Variants in SIPA1L1 observed in about 807,000 individuals in gnomAD.
SIPA1L1 encodes signal-induced proliferation-associated 1-like protein 1.
A neutral mutation model predicts 162.7 loss-of-function variants in SIPA1L1; 26 were observed. The ratio of observed to expected loss-of-function variants is 0.16; its 90% CI spans 0.12 to 0.22. The LOEUF (loss-of-function observed/expected upper bound fraction) is 0.22. SIPA1L1 is among the 10% of genes least tolerant of loss of function. The probability of loss-of-function intolerance (pLI) is 1.00; values close to 1 mark genes in which losing one functional copy is unlikely to be tolerated. For synonymous variants in SIPA1L1, 829 were observed against 837.4 expected (o/e 0.99, Z 0.17); for missense variants, 1,874 against 2,241.0 (o/e 0.84, Z 3.31).
chr14:71,504,575 A>G (rs2050504971), intron 2 of SIPA1L1, among the ~76,000 whole-genome samples: 1 of 152,180 alleles, frequency 6.6e-6, no homozygotes, highest in East Asian at 1.9e-4. Context: ...CCATTATCTT[A>G]TGTATTATTA....
At chr14:71,725,115 G>A (rs2084107684) in intron 19 of SIPA1L1, among the ~76,000 whole-genome samples, 2 of 152,296 alleles carry the variant, frequency 1.3e-5, no homozygotes, top group African/African-American at 4.8e-5. Context: ...ATGATTCCCT[G>A]AACATCACTT....
chr14:71,680,471 GAA>G (rs2045691702), intron 12 of SIPA1L1, among the ~76,000 whole-genome samples: 1 of 152,148 alleles, frequency 6.6e-6, no homozygotes, highest in Admixed American at 6.5e-5. Flanking sequence ...GCCCACAAGA[GAA>G]AGCAGGAAAG....
intron 2 of SIPA1L1, among the ~76,000 whole-genome samples, chr14:71,347,071 C>T (rs1015336115): frequency 2.0e-5 from 3 of 151,760 alleles, no homozygotes; most frequent in Non-Finnish European, 4.4e-5. Flanking sequence ...CCTGTCTCAG[C>T]CCCCCGAGTA....
chr14:71,513,262 G>GACAC, intron 3 of SIPA1L1, among the ~76,000 whole-genome samples: 1 of 152,208 alleles, frequency 6.6e-6, no homozygotes, highest in Non-Finnish European at 1.5e-5. Flanking sequence ...TGGTGTCTTG[G>GACAC]TGTCTGCCAA....
chr14:71,692,295 G>A (rs530856406), intron 13 of SIPA1L1, among the ~76,000 whole-genome samples: 9 of 152,196 alleles, frequency 5.9e-5, no homozygotes, highest in Non-Finnish European at 1.2e-4. Flanking sequence ...TGTTGACTAA[G>A]TTTAGAATAC....
At chr14:71,440,511 C>T (rs1402310736) in intron 2 of SIPA1L1, among the ~76,000 whole-genome samples, 1 of 151,196 alleles carries the variant, frequency 6.6e-6, no homozygotes, top group Non-Finnish European at 1.5e-5. Context: ...ACTAACTGAC[C>T]ATGGGTGGGT....
chr14:71,620,948 G>T (rs150790856), intron 6 of SIPA1L1, among the ~76,000 whole-genome samples: 198 of 152,182 alleles, frequency 1.3e-3, no homozygotes, highest in African/African-American at 4.6e-3. Context: ...ATTACCACTT[G>T]TTTTTTACGT....
At chr14:71,345,516 C>T (rs1436157040) in intron 2 of SIPA1L1, among the ~76,000 whole-genome samples, 1 of 151,132 alleles carries the variant, frequency 6.6e-6, no homozygotes, top group Non-Finnish European at 1.5e-5. Flanking sequence ...GTATTTGCTT[C>T]ATTAGACCTT....
At chr14:71,480,815 TTAATA>T (rs1472215814) in intron 2 of SIPA1L1, among the ~76,000 whole-genome samples, 1 of 152,130 alleles carries the variant, frequency 6.6e-6, no homozygotes, top group African/African-American at 2.4e-5. Flanking sequence ...CTTGGCTGAA[TTAATA>T]TATATTGTGT....
intron 2 of SIPA1L1, among the ~76,000 whole-genome samples, chr14:71,486,889 C>T (rs1033929419): frequency 5.9e-5 from 9 of 152,112 alleles, no homozygotes; most frequent in Non-Finnish European, 1.3e-4. Context: ...TTTTTTCATG[C>T]TTCTTCTAAA....
At chr14:71,644,715 G>A (rs1316372160) in intron 7 of SIPA1L1, among the ~76,000 whole-genome samples, 1 of 152,170 alleles carries the variant, frequency 6.6e-6, no homozygotes, top group African/African-American at 2.4e-5. Flanking sequence ...CATGGTGATA[G>A]GTGTAAGTTT....
At chr14:71,394,973 T>C (rs952926715) in intron 2 of SIPA1L1, among the ~76,000 whole-genome samples, 19 of 152,220 alleles carry the variant, frequency 1.2e-4, no homozygotes, top group African/African-American at 4.6e-4. Context: ...ATAATGGGGC[T>C]GCATTATATA....
intron 13 of SIPA1L1, among the ~76,000 whole-genome samples, chr14:71,698,143 CCAT>C (rs1019385191): frequency 6.6e-6 from 1 of 152,194 alleles, no homozygotes; most frequent in Admixed American, 6.5e-5. Context: ...AAATAAAATA[CCAT>C]CGTTACTAAG....
chr14:71,432,575 A>C (rs2044075658), intron 2 of SIPA1L1, among the ~76,000 whole-genome samples: 1 of 152,130 alleles, frequency 6.6e-6, no homozygotes, highest in East Asian at 1.9e-4. Flanking sequence ...CTCTGAGGAA[A>C]GGGATTTCTG....
In SIPA1L1 at chr14:71,661,478, G is replaced by A; in HGVS notation, c.2255+11G>A. ...CAGTGTCTGTTATAGGTGTGTATGG[G>A]TGTCACAGCAGGGGCTCTGTGGATG... On this transcript the variant is annotated intron_variant, in intron 10 of 23. Coordinates refer to ENST00000381232, the MANE Select transcript of SIPA1L1 (RefSeq NM_001386936.1). The A allele has an allele frequency of 1.2e-6, 2 of 1,610,212 alleles. No individual in the cohort carries two copies. Among genetic ancestry groups the A allele is most frequent in the African/African-American group, 1.3e-5 (1 of 74,918 alleles).
At chr14:71,429,133 C>T (rs907740157) in intron 2 of SIPA1L1, among the ~76,000 whole-genome samples, 9 of 151,948 alleles carry the variant, frequency 5.9e-5, no homozygotes, top group African/African-American at 1.7e-4. Flanking sequence ...TTTATTTCAC[C>T]GTATTATTTA....
chr14:71,322,187 C>G (rs1308289278), intron 2 of SIPA1L1, among the ~76,000 whole-genome samples: 1 of 152,144 alleles, frequency 6.6e-6, no homozygotes, highest in Non-Finnish European at 1.5e-5. Flanking sequence ...TAAAGCAAAC[C>G]TTTCATGTTG....
chr14:71,401,189 C>T (rs1418168817), intron 2 of SIPA1L1, among the ~76,000 whole-genome samples: 2 of 152,176 alleles, frequency 1.3e-5, no homozygotes, highest in Non-Finnish European at 2.9e-5. Context: ...TACTGTTAAT[C>T]TGCTCAAATG....
intron 2 of SIPA1L1, among the ~76,000 whole-genome samples, chr14:71,326,813 G>A (rs2033870771): frequency 6.8e-6 from 1 of 146,554 alleles, no homozygotes; most frequent in Admixed American, 7.0e-5. Flanking sequence ...CTGGGTTCAA[G>A]CGATTCTCCT....
Sources: allele counts gnomAD v4.1 joint callset (sites outside exome capture counted in the v4.1 genomes callset), GRCh38; gene constraint gnomAD v4.1.1; transcripts MANE v1.5; gene names NCBI Gene and HGNC (gene_info 2026-07-23, HGNC 2026-07-21).